Variants in TAOK1 observed in about 807,000 individuals in gnomAD.
TAOK1 encodes serine/threonine-protein kinase TAO1.
A neutral mutation model predicts 138.3 loss-of-function variants in TAOK1; 21 were observed. The ratio of observed to expected loss-of-function variants is 0.15; its 90% CI spans 0.11 to 0.22. The LOEUF is 0.22. TAOK1 is among the 10% of genes least tolerant of loss of function. The pLI is 1.00. For missense variants in TAOK1, 651 were observed against 1,227.7 expected (o/e 0.53, Z 7.02); for synonymous variants, 361 against 398.4 (o/e 0.91, Z 1.12).
intron 1 of TAOK1, among the ~76,000 whole-genome samples, chr17:29,398,838 G>A (rs1355130295): frequency 2.0e-5 from 3 of 151,804 alleles, no homozygotes; most frequent in Admixed American, 6.6e-5. Flanking sequence ...ACCCGTTAAT[G>A]TGAAGATAGT....
At chr17:29,464,287 C>G (rs1398282118) in intron 2 of TAOK1, among the ~76,000 whole-genome samples, 1 of 149,260 alleles carries the variant, frequency 6.7e-6, no homozygotes, top group African/African-American at 2.5e-5. Flanking sequence ...AAAAAAAATA[C>G]AAAAAAATTA....
chr17:29,405,889 G>A (rs536469454), intron 1 of TAOK1, among the ~76,000 whole-genome samples: 108 of 152,234 alleles, frequency 7.1e-4, no homozygotes, highest in African/African-American at 2.5e-3. Context: ...AGCATTCTAG[G>A]CAGTGTGGTT....
chr17:29,451,837 A>T, intron 2 of TAOK1, 157 bp downstream of exon 2: 1 of 675,622 alleles, frequency 1.5e-6, no homozygotes, highest in Non-Finnish European at 2.3e-6. Context: ...AGCGTGGGTG[A>T]GTGTGTGTGT....
intron 7 of TAOK1, 91 bp from the exon 8 acceptor site, chr17:29,482,106 C>T: frequency 1.1e-6 from 1 of 888,066 alleles, no homozygotes. Context: ...GAATTCAAAC[C>T]AGTGATCTCC....
intron 17 of TAOK1, among the ~76,000 whole-genome samples, chr17:29,528,328 G>C (rs1056660683): frequency 6.6e-6 from 1 of 152,112 alleles, no homozygotes; most frequent in Non-Finnish European, 1.5e-5. Flanking sequence ...GATTGCAGGC[G>C]TGAGCCACCA....
At chr17:29,424,293 CAG>C (rs1905561562) in intron 1 of TAOK1, among the ~76,000 whole-genome samples, 1 of 151,338 alleles carries the variant, frequency 6.6e-6, no homozygotes, top group South Asian at 2.1e-4. Context: ...AAAAATTAGC[CAG>C]GCATGGTGGC....
At chr17:29,455,635 A>G (rs2030357950) in intron 2 of TAOK1, among the ~76,000 whole-genome samples, 1 of 150,320 alleles carries the variant, frequency 6.7e-6, no homozygotes, top group African/African-American at 2.5e-5. Flanking sequence ...TATCATGTTG[A>G]AGAAGTTCCC....
intron 1 of TAOK1, among the ~76,000 whole-genome samples, chr17:29,392,313 GTATAA>G (rs1171166384): frequency 2.0e-5 from 3 of 152,162 alleles, no homozygotes; most frequent in Admixed American, 2.0e-4. Context: ...ATACTGTTGT[GTATAA>G]TATTGAAATT....
intron 9 of TAOK1, among the ~76,000 whole-genome samples, chr17:29,491,047 T>A (rs1170395904): frequency 2.0e-5 from 3 of 152,212 alleles, no homozygotes; most frequent in African/African-American, 7.2e-5. Flanking sequence ...GAAACCATAG[T>A]TGATACATAT....
At chr17:29,437,634 G>T (rs1265832221) in intron 1 of TAOK1, among the ~76,000 whole-genome samples, 1 of 151,874 alleles carries the variant, frequency 6.6e-6, no homozygotes, top group Non-Finnish European at 1.5e-5. Context: ...TTGGCTTTTT[G>T]AAGTAGAAAA....
At chr17:29,501,238 A>G (rs140070219) in intron 12 of TAOK1, among the ~76,000 whole-genome samples, 21,882 of 141,878 alleles carry the variant, frequency 0.15, 1,902 homozygotes, top group Admixed American at 0.19. Context: ...AAAAAAAAAA[A>G]AAAAGAAAAG....
intron 1 of TAOK1, among the ~76,000 whole-genome samples, chr17:29,430,417 G>A (rs1905787763): frequency 6.6e-6 from 1 of 152,208 alleles, no homozygotes; most frequent in Non-Finnish European, 1.5e-5. Context: ...TCACACTCCT[G>A]TGCAAACATC....
chr17:29,481,394 A>G (rs1456337332), intron 7 of TAOK1, among the ~76,000 whole-genome samples: 1 of 151,696 alleles, frequency 6.6e-6, no homozygotes, highest in Non-Finnish European at 1.5e-5. Context: ...GGGTTTCACC[A>G]TGTTGCTCAG....
chr17:29,535,945 CTTT>C (rs1297279994), intron 19 of TAOK1, among the ~76,000 whole-genome samples: 4 of 152,150 alleles, frequency 2.6e-5, no homozygotes, highest in Non-Finnish European at 4.4e-5. Flanking sequence ...TTACTGGCTT[CTTT>C]GAGAGGTATT....
chr17:29,475,837 A>C (rs529322022), intron 4 of TAOK1, 66 bp downstream of exon 4: 1 of 1,185,574 alleles, frequency 8.4e-7, no homozygotes, highest in East Asian at 2.4e-5. Flanking sequence ...TTAATTCAGA[A>C]TATCTCATAC....
intron 17 of TAOK1, among the ~76,000 whole-genome samples, chr17:29,523,170 C>T (rs2031949770): frequency 6.6e-6 from 1 of 150,912 alleles, no homozygotes; most frequent in Non-Finnish European, 1.5e-5. Context: ...TCTGTTGTTC[C>T]AAGTAAAATT....
intron 1 of TAOK1, among the ~76,000 whole-genome samples, chr17:29,449,562 C>T (rs2030181191): frequency 6.6e-6 from 1 of 152,058 alleles, no homozygotes; most frequent in Non-Finnish European, 1.5e-5. Context: ...GAAATCAGGC[C>T]AGGTGTGGTG....
At chr17:29,445,356 ATCT>A (rs1223458785) in intron 1 of TAOK1, 10 of 152,474 alleles carry the variant, frequency 6.6e-5, no homozygotes, top group Admixed American at 5.9e-4. Flanking sequence ...GGCCATGCTG[ATCT>A]TCTTATTCCA....
chr17:29,450,950 A>C (rs1006889307), intron 1 of TAOK1, among the ~76,000 whole-genome samples: 5 of 152,240 alleles, frequency 3.3e-5, no homozygotes, highest in African/African-American at 1.2e-4. Context: ...AATGTGAATC[A>C]GGTGAATCAA....
Sources: allele counts gnomAD v4.1 joint callset (sites outside exome capture counted in the v4.1 genomes callset), GRCh38; gene constraint gnomAD v4.1.1; transcripts MANE v1.5; gene names NCBI Gene and HGNC (gene_info 2026-07-23, HGNC 2026-07-21).